MICALL2: variants seen among roughly 807,000 people sequenced by gnomAD.
The protein encoded by MICALL2 is MICAL-like protein 2.
A neutral mutation model predicts 91.1 loss-of-function variants in MICALL2; 111 were observed. The observed-to-expected ratio is 1.22, with a 90% CI of 1.04 to 1.43. MICALL2 has a LOEUF of 1.43. Among genes scored for constraint, MICALL2 ranks in the 40% most tolerant of loss-of-function variants. The probability of loss-of-function intolerance (pLI) is 0.00; values close to 1 mark genes in which losing one functional copy is unlikely to be tolerated. For missense variants in MICALL2, 1,556 were observed against 1,236.0 expected (o/e 1.26, Z -3.88); for synonymous variants, 694 against 525.3 (o/e 1.32, Z -4.39).
chr7:1,438,004 CA>C, intron 12 of MICALL2, 24 bp from the exon 13 acceptor site: 2 of 1,550,412 alleles, frequency 1.3e-6, no homozygotes, highest in Non-Finnish European at 1.7e-6. Context: ...CCAGCTGGGG[CA>C]GGGGGGCCCG....
Position 1,436,724 on chromosome 7 carries a change from C to CAG in MICALL2, c.2591+17_2591+18insCT. ...GACCTGGCCTGGCTGGGAGGGGCCCCCGGCACCTGCCCCTCACCGGAGCCG... is the reference window on the plus strand; with the variant it reads ...GACCTGGCCTGGCTGGGAGGGGCCCCAGCGGCACCTGCCCCTCACCGGAGCCG... On this transcript the variant is annotated intron_variant, in intron 15 of 16. Coordinates refer to ENST00000297508, the MANE Select transcript of MICALL2 (RefSeq NM_182924.4). 1.3e-6 allele frequency: 2 copies of CAG among 1,587,862 alleles called. No individual in the cohort carries two copies. The highest frequency in any genetic ancestry group is 3.4e-5 in the Admixed American group (2 of 58,128).
rs893291228 is a variant in MICALL2, at chr7:1,451,805, G to C, written c.144-1517C>G. Among the ~76,000 whole-genome samples the C allele has an allele frequency of 6.6e-6, 1 of 152,236 alleles. No homozygotes were observed. The highest frequency in any genetic ancestry group is 1.5e-5 in the Non-Finnish European group (1 of 68,032). ...CTGGGCAGGTCTCAAACGGAGAAGT[G>C]GGGGCCGAGACCCCTGTGGCCACGC... On this transcript the variant is annotated intron_variant, in intron 1 of 16. Coordinates refer to ENST00000297508, the MANE Select transcript of MICALL2 (RefSeq NM_182924.4). This position sits in a 1 kb window ranked among gnomAD's most constrained non-coding sequence, Gnocchi z 4.5.
intron 8 of MICALL2, 115 bp downstream of exon 8, chr7:1,440,476 C>G: frequency 1.1e-6 from 1 of 935,824 alleles, no homozygotes; most frequent in Non-Finnish European, 1.7e-6. Flanking sequence ...CTGCTACTCA[C>G]AGGGAGGTGC....
chr7:1,438,523 G>A (rs1024007948), intron 10 of MICALL2, 170 bp from the exon 11 acceptor site: 26 of 1,437,174 alleles, frequency 1.8e-5, no homozygotes, highest in Middle Eastern at 2.6e-4. Flanking sequence ...ACAGACACCT[G>A]AGTGGCCTCC....
intron 13 of MICALL2, 124 bp downstream of exon 13, chr7:1,437,766 G>A (rs1167008453): frequency 2.4e-6 from 3 of 1,235,624 alleles, no homozygotes; most frequent in African/African-American, 1.5e-5. Flanking sequence ...CCGCAACGAG[G>A]TCCTGGACCT....
intron 8 of MICALL2, 63 bp downstream of exon 8, chr7:1,440,528 T>C (rs947696323): frequency 2.4e-5 from 33 of 1,400,884 alleles, no homozygotes; most frequent in Middle Eastern, 3.5e-4. Context: ...GATTACATAC[T>C]CACTGCATTT....
chr7:1,446,601 G>C, intron 5 of MICALL2, 112 bp downstream of exon 5: 1 of 692,338 alleles, frequency 1.4e-6, no homozygotes, highest in South Asian at 1.6e-5. Flanking sequence ...GGGGAGAGGG[G>C]AGAGGAACGA....
rs986073320 is a variant in MICALL2 at position 1,444,738 on chromosome 7, G to A, written c.1332C>T (p.Ser444=). 2 of 1,612,350 alleles carry A rather than the reference G, an allele frequency of 1.2e-6. No homozygotes were observed. The highest frequency in any genetic ancestry group is 1.7e-6 in the Non-Finnish European group (2 of 1,179,858). ...GCGCCTGCTCCTTGCTGCTGTCCTT[G>A]GATAGAACAAGTGACGGGGTGGGAC... ...GRGPTPSLVL[S]KDSSKEQARN... Residue 444 remains serine (S), a synonymous_variant, in exon 6 of 17, where the codon TCC becomes TCT. Transcript: ENST00000297508.
chr7:1,453,913 G>A (rs1013558176), intron 1 of MICALL2, among the ~76,000 whole-genome samples: 17 of 152,164 alleles, frequency 1.1e-4, no homozygotes, highest in Non-Finnish European at 1.0e-4. Flanking sequence ...CTGGCTGAAG[G>A]AATGAATTTG....
chr7:1,446,894 ACAGGTGGCCGGAAGAGCC>A (rs1361060552), intron 4 of MICALL2, 66 bp from the exon 5 acceptor site: 34 of 1,177,988 alleles, frequency 2.9e-5, no homozygotes, highest in Admixed American at 4.6e-5. Context: ...GTGGCAGCCC[ACAGGTGGCCGGAAGAGCC>A]CATCTTACAG....
rs1190262696 is a variant in MICALL2, at chr7:1,459,249, C to A, written c.78G>T (p.Met26Ile). 9 of 1,610,904 alleles carry A rather than the reference C, an allele frequency of 5.6e-6. No individual in the cohort carries two copies. Among genetic ancestry groups the A allele is most frequent in the African/African-American group, 4.0e-5 (3 of 74,776 alleles). Residue 26 changes from methionine to isoleucine, a missense_variant, in exon 1 of 17, where the codon ATG becomes ATT. Transcript: ENST00000297508. ...EGYRDVNICN[M>I]TTSFRDGLAF... is the part of the protein sequence containing the mutation. ...CCAGGCCGTCGCGGAACGACGTGGT[C>A]ATGTTGCAGATATTCACGTCGCGGT...
chr7:1,450,072 T>G (rs1043415203), intron 2 of MICALL2, among the ~76,000 whole-genome samples, 168 bp downstream of exon 2: 1 of 152,164 alleles, frequency 6.6e-6, no homozygotes, highest in Non-Finnish European at 1.5e-5. Flanking sequence ...AACGCTAGGG[T>G]CACCCAGCCC....
At chr7:1,444,343 C>T (rs988520746) in intron 6 of MICALL2, among the ~76,000 whole-genome samples, 4 of 152,208 alleles carry the variant, frequency 2.6e-5, no homozygotes, top group Admixed American at 2.0e-4. Flanking sequence ...GGGCGTAGGA[C>T]CCTTGGGTTC....
intron 6 of MICALL2, among the ~76,000 whole-genome samples, chr7:1,443,039 G>T (rs1780383229): frequency 6.6e-6 from 1 of 151,914 alleles, no homozygotes; most frequent in African/African-American, 2.4e-5. Flanking sequence ...CCTGAGGTGG[G>T]GGCACCAGGT....
intron 6 of MICALL2, 104 bp from the exon 7 acceptor site, chr7:1,442,588 A>ACCCTGGCAAGGCACAG: frequency 8.5e-7 from 1 of 1,180,398 alleles, no homozygotes; most frequent in East Asian, 2.5e-5. Flanking sequence ...CCCAATGCCC[A>ACCCTGGCAAGGCACAG]GCCTCCGGAC....
At chr7:1,446,017 TGACGGGGGCACTGGAGGAGGCATCTG>T (rs1377782980) in intron 5 of MICALL2, among the ~76,000 whole-genome samples, 16 of 140,584 alleles carry the variant, frequency 1.1e-4, no homozygotes, top group Admixed American at 3.5e-4. Context: ...GAGGGCATCT[TGACGGGGGCACTGGAGGAGGCATCTG>T]GACGGGGGCA....
chr7:1,453,756 G>A (rs568364371), intron 1 of MICALL2, among the ~76,000 whole-genome samples: 12 of 152,194 alleles, frequency 7.9e-5, no homozygotes, highest in African/African-American at 2.4e-4. Context: ...CTTATTTGAA[G>A]CCTCAGAATT....
At position 1,434,419 on chromosome 7, in the gene MICALL2, G is replaced by A. The variant is rs1383633542; in HGVS notation, c.*177C>T. The A allele has an allele frequency of 1.4e-6, 1 of 701,972 alleles. No homozygotes were observed. Among genetic ancestry groups the A allele is most frequent in the Non-Finnish European group, 2.6e-6 (1 of 384,476 alleles). 43.5% of individuals were successfully genotyped at this position (701,972 alleles called of 1,614,324 possible). On this transcript the variant is annotated 3_prime_UTR_variant, in exon 17 of 17. Coordinates refer to ENST00000297508, the MANE Select transcript of MICALL2 (RefSeq NM_182924.4). ...ACAGACGGTAGCGCAGGTCCCTGCT[G>A]TCCACATGCCCCTTGTAGGGACAGG...
At position 1,442,498 on chromosome 7, in the gene MICALL2, C is replaced by G. The variant is rs4457225; in HGVS notation, c.1419-14G>C. 0.23 allele frequency: 356,112 copies of G among 1,517,236 alleles called. 45,692 individuals carry two copies. The highest frequency in any genetic ancestry group is 0.44 in the African/African-American group (31,423 of 71,712). The allele number at this position is 1,517,236 out of a possible 1,614,324, so 94.0% of individuals were successfully genotyped here. Reference sequence around the variant, plus strand: ...GCTGGGGAGGGCCTATAAGTAAAAGCGCAGGCATCAGGCACAGCTGGATCC... The same window carrying G: ...GCTGGGGAGGGCCTATAAGTAAAAGGGCAGGCATCAGGCACAGCTGGATCC... On this transcript the variant is annotated splice_polypyrimidine_tract_variant and intron_variant, in intron 6 of 16. Transcript: ENST00000297508.
Sources: allele counts gnomAD v4.1 joint callset (sites outside exome capture counted in the v4.1 genomes callset), GRCh38; gene constraint gnomAD v4.1.1; non-coding constraint Gnocchi (gnomAD v3.1); transcripts MANE v1.5; gene names NCBI Gene and HGNC (gene_info 2026-07-23, HGNC 2026-07-21).